Variants in MYH9 observed in about 807,000 individuals in gnomAD.
MYH9 encodes myosin-9.
MYH9 carries 29 observed loss-of-function variants against 241.9 expected under a neutral mutation model. The ratio of observed to expected loss-of-function variants is 0.12; its 90% CI spans 0.09 to 0.16. The LOEUF (loss-of-function observed/expected upper bound fraction) is 0.16, where lower values mean the gene tolerates loss of function less well. Among genes scored for constraint, MYH9 ranks in the 10% least tolerant of loss-of-function variants. The pLI is 1.00. For synonymous variants in MYH9, 1,047 were observed against 1,062.6 expected, an observed-to-expected ratio of 0.99 and a Z score of 0.29; for missense variants, 1,803 against 2,595.5, an observed-to-expected ratio of 0.69 and a Z score of 6.63.
chr22:36,359,283 T>TA (rs2017900462), intron 1 of MYH9, among the ~76,000 whole-genome samples: 1 of 152,200 alleles, frequency 6.6e-6, no homozygotes, highest in Non-Finnish European at 1.5e-5. Context: ...GGTGCTCAGT[T>TA]AAAGTGTCCT....
chr22:36,333,174 G>A (rs1352655294), intron 3 of MYH9, among the ~76,000 whole-genome samples: 2 of 152,212 alleles, frequency 1.3e-5, no homozygotes, highest in Non-Finnish European at 2.9e-5. Flanking sequence ...GCACAAACAG[G>A]CCTGCAAAGA....
intron 5 of MYH9, 30 bp downstream of exon 5, chr22:36,326,538 G>T: frequency 6.3e-7 from 1 of 1,597,476 alleles, no homozygotes; most frequent in Non-Finnish European, 8.6e-7. Flanking sequence ...CCAAGCAGGC[G>T]GCCACAGGGA....
intron 1 of MYH9, among the ~76,000 whole-genome samples, chr22:36,370,628 G>A (rs1001701159): frequency 3.3e-5 from 5 of 152,214 alleles, no homozygotes; most frequent in African/African-American, 1.2e-4. Context: ...TTCTACAACA[G>A]TTCCTCCTTA....
Position 36,300,919 on chromosome 22 carries a change from C to T in MYH9, c.2770G>A (p.Val924Met), listed in dbSNP as rs540698347. The change falls in exon 22 of 41, where the codon GTG (valine) becomes ATG (methionine). Residue 924 changes from valine (V) to methionine (M), a missense_variant. By Grantham distance (21) the Val-to-Met change is conservative. Transcript: ENST00000216181. This position sits in a 1 kb window ranked among gnomAD's most constrained non-coding sequence, Gnocchi z 5.0. ...TGGCAGCGCTCCTCCTCCTCCTCCA[C>T]CCTGGCCTCTAGGTCATGGCAGATC... ...EEICHDLEAR[V>M]EEEEERCQHL... 1 of 1,608,836 alleles carries T rather than the reference C, an allele frequency of 6.2e-7. No individual in the cohort carries two copies.
chr22:36,372,355 G>A (rs2018101948), intron 1 of MYH9, among the ~76,000 whole-genome samples: 1 of 152,094 alleles, frequency 6.6e-6, no homozygotes, highest in African/African-American at 2.4e-5. Context: ...CAGGTGTGGT[G>A]GTGTGCACCT....
rs560357962 is a variant in MYH9 at position 36,387,236 on chromosome 22, G to C, written c.-20+571C>G. Among the ~76,000 whole-genome samples, 464 of 152,356 alleles carry C rather than the reference G, an allele frequency of 3.0e-3. 3 individuals are homozygous for C. Among genetic ancestry groups the C allele is most frequent in the African/African-American group, 1.0e-2 (415 of 41,594 alleles). On this transcript the variant is annotated intron_variant, in intron 1 of 40. Coordinates refer to ENST00000216181, the MANE Select transcript of MYH9 (RefSeq NM_002473.6). ...GAAGTCGGCCGCGGAGGCGGAAACC[G>C]GGCCGGGTGCAAGGTCTGCAGCGGG...
chr22:36,324,585 G>C (rs967985206), intron 5 of MYH9, among the ~76,000 whole-genome samples: 1 of 152,280 alleles, frequency 6.6e-6, no homozygotes, highest in African/African-American at 2.4e-5. Context: ...CCCTCTGCTG[G>C]TGTTGGGAGG....
rs1246264948 is a variant in MYH9 at position 36,326,580 on chromosome 22, G to A, written c.600C>T (p.Ser200=). 1.2e-6 allele frequency: 2 copies of A among 1,614,180 alleles called. No individual in the cohort carries two copies. The highest frequency in any genetic ancestry group is 3.3e-5 in the Admixed American group (2 of 60,030). ...YLAYVASSHK[S]KKDQGELERQ... ...CTGCAGCACTCACCTGGTCCTTCTT[G>A]CTCTTGTGCGAGGACGCCACGTACG... The change falls in exon 5 of 41, where the codon AGC becomes AGT. Residue 200 remains serine (S), a synonymous_variant. Coordinates refer to ENST00000216181, the MANE Select transcript of MYH9 (RefSeq NM_002473.6).
rs549067211 is a variant in MYH9, at chr22:36,382,802, CAAATAAAG to C, written c.-20+4997_-20+5004del. Among the ~76,000 whole-genome samples the C allele has an allele frequency of 1.6e-3, 240 of 152,030 alleles. No individual in the cohort carries two copies. In the Middle Eastern group the frequency reaches 0.017, roughly 11 times the overall value. On this transcript the variant is annotated intron_variant, in intron 1 of 40. Transcript: ENST00000216181. ...TGGGCAACAGAGTGAGACCCCATCTCAAATAAAGAAATAAATAAATAAATAAAATTACT... is the reference window on the plus strand; with the variant it reads ...TGGGCAACAGAGTGAGACCCCATCTCAAATAAATAAATAAATAAAATTACT...
At chr22:36,328,356 T>G (rs1396380543) in intron 3 of MYH9, among the ~76,000 whole-genome samples, 1 of 152,254 alleles carries the variant, frequency 6.6e-6, no homozygotes, top group Non-Finnish European at 1.5e-5. Flanking sequence ...TAAGGCATCC[T>G]GGCTGTTCAG....
chr22:36,368,369 G>A (rs374427269), intron 1 of MYH9, among the ~76,000 whole-genome samples: 4 of 152,134 alleles, frequency 2.6e-5, no homozygotes, highest in Non-Finnish European at 4.4e-5. Context: ...ACTAGCTGCC[G>A]GTGTCTGTAC....
intron 3 of MYH9, among the ~76,000 whole-genome samples, chr22:36,334,677 T>TGA (rs1328535235): frequency 1.3e-5 from 2 of 152,202 alleles, no homozygotes; most frequent in African/African-American, 4.8e-5. Flanking sequence ...ACGGAAGGAA[T>TGA]GAGCGATTTG....
rs1431760254 is a variant in MYH9 at position 36,285,224 on chromosome 22, G to A, written c.5380C>T (p.Leu1794=). 6.2e-7 allele frequency: 1 copy of A among 1,614,228 alleles called. No individual in the cohort carries two copies. The highest frequency in any genetic ancestry group is 8.5e-7 in the Non-Finnish European group (1 of 1,180,044). ...ERQNKELKVK[L]QEMEGTVKSK... is the part of the protein sequence containing the mutation. The stretch of plus-strand genomic sequence containing the variant: ...TTGACAGTGCCCTCCATCTCCTGCA[G>A]CTTGACCTTAAGCTCCTTGTTCTGG... The change falls in exon 38 of 41, where the codon CTG becomes TTG. Residue 1794 remains leucine (L), a synonymous_variant. Transcript: ENST00000216181. The surrounding 1 kb of genome is among the most constrained non-coding windows in gnomAD (Gnocchi z 7.0).
In MYH9 at chr22:36,295,186, G is replaced by C. The variant is rs1319559772; in HGVS notation, c.3486-110C>G. ...CCTGGCCAGGGCACAGGCACTCCAGGCAGCTTTTCTACCCACCGGCCCCTC... is the reference window on the plus strand; with the variant it reads ...CCTGGCCAGGGCACAGGCACTCCAGCCAGCTTTTCTACCCACCGGCCCCTC... On this transcript the variant is annotated intron_variant, in intron 26 of 40. Transcript: ENST00000216181. The surrounding 1 kb of genome is among the most constrained non-coding windows in gnomAD (Gnocchi z 4.1). The C allele has an allele frequency of 3.4e-6, 5 of 1,487,768 alleles. No individual in the cohort carries two copies. In the South Asian group the frequency reaches 4.5e-5, roughly 14 times the overall value. 92.2% of individuals were successfully genotyped at this position (1,487,768 alleles called of 1,614,324 possible). A position where few individuals can be genotyped will look rare whatever the true frequency, so the allele number is the denominator to read the frequency against.
At chr22:36,334,277 C>G (rs1392031661) in intron 3 of MYH9, among the ~76,000 whole-genome samples, 2 of 152,208 alleles carry the variant, frequency 1.3e-5, no homozygotes, top group Non-Finnish European at 2.9e-5. Context: ...CAGCTCGCAT[C>G]AGCTCGAGGA....
chr22:36,369,747 G>A (rs2018062941), intron 1 of MYH9, among the ~76,000 whole-genome samples: 1 of 152,238 alleles, frequency 6.6e-6, no homozygotes, highest in Non-Finnish European at 1.5e-5. Flanking sequence ...CATAGTGGTT[G>A]AAGTGGGATG....
At chr22:36,342,754 T>C (rs1352890837) in intron 2 of MYH9, among the ~76,000 whole-genome samples, 1 of 152,022 alleles carries the variant, frequency 6.6e-6, no homozygotes, top group African/African-American at 2.4e-5. Context: ...ACCCTCTTCC[T>C]AAGAAAATGG....
intron 3 of MYH9, among the ~76,000 whole-genome samples, chr22:36,339,983 T>C (rs908067589): frequency 7.9e-5 from 12 of 152,186 alleles, no homozygotes; most frequent in African/African-American, 2.6e-4. Context: ...GCTTCAGTCA[T>C]GTTTTTAAAA....
At chr22:36,307,783 G>A (rs543428620) in intron 15 of MYH9, among the ~76,000 whole-genome samples, 1 of 152,224 alleles carries the variant, frequency 6.6e-6, no homozygotes, top group South Asian at 2.1e-4. Flanking sequence ...AGCTACTTGG[G>A]AGGCTGAGGC....
Sources: gnomAD v4.1 joint callset for allele counts (sites outside exome capture counted in the v4.1 genomes callset) on GRCh38, gnomAD v4.1.1 for gene constraint, Gnocchi (gnomAD v3.1) non-coding constraint, MANE v1.5 for transcripts, NCBI Gene and HGNC (gene_info 2026-07-23, HGNC 2026-07-21) for gene names.